Variants in RUFY1 observed in about 807,000 individuals in gnomAD.
RUFY1 encodes the protein RUN and FYVE domain-containing protein 1.
A neutral mutation model predicts 94.6 loss-of-function variants in RUFY1; 54 were observed. The ratio of observed to expected loss-of-function variants is 0.57; its 90% CI spans 0.46 to 0.72. RUFY1 has a LOEUF of 0.72. Among genes scored for constraint, RUFY1 ranks in the 30% least tolerant of loss-of-function variants. The pLI, the probability that RUFY1 is intolerant of heterozygous loss-of-function variation, is 0.00. For synonymous variants in RUFY1, 396 were observed against 347.3 expected (o/e 1.14, Z -1.56); for missense variants, 883 against 883.9 (o/e 1.00, Z 0.01).
At chr5:179,576,760 TATTA>T (rs1356186275) in intron 5 of RUFY1, among the ~76,000 whole-genome samples, 1 of 152,324 alleles carries the variant, frequency 6.6e-6, no homozygotes, top group East Asian at 1.9e-4. Flanking sequence ...TTATTATTAT[TATTA>T]ATTACTTTGT....
intron 6 of RUFY1, among the ~76,000 whole-genome samples, chr5:179,578,702 G>A (rs1763854080): frequency 6.6e-6 from 1 of 152,050 alleles, no homozygotes; most frequent in African/African-American, 2.4e-5. Flanking sequence ...AGAGTGCAGT[G>A]GCACGATCTT....
At chr5:179,563,679 CCT>C (rs1053842526) in intron 3 of RUFY1, among the ~76,000 whole-genome samples, 2 of 152,060 alleles carry the variant, frequency 1.3e-5, no homozygotes, top group Non-Finnish European at 2.9e-5. Context: ...TATTTCATGA[CCT>C]TTTTTTTTTT....
chr5:179,555,621 CTTTTTTTTT>C, intron 1 of RUFY1: 116 of 247,396 alleles, frequency 4.7e-4, no homozygotes, highest in Middle Eastern at 2.9e-3. Context: ...AAACTCCCAA[CTTTTTTTTT>C]TTTTTTTTTT....
chr5:179,598,419 G>T, intron 13 of RUFY1: 1 of 409,978 alleles, frequency 2.4e-6, no homozygotes, highest in Non-Finnish European at 4.4e-6. Context: ...ATGTCGGGAG[G>T]GTTCTGCTTA....
Position 179,550,825 on chromosome 5 carries a change from C to G in RUFY1, c.256C>G (p.Arg86Gly), listed in dbSNP as rs1052589447. The G allele has an allele frequency of 1.6e-6, 2 of 1,252,744 alleles. No homozygotes were observed. The highest frequency in any genetic ancestry group is 8.7e-5 in the Admixed American group (2 of 23,096). 77.6% of individuals were successfully genotyped at this position (1,252,744 alleles called of 1,614,324 possible). A position where few individuals can be genotyped will look rare whatever the true frequency, so the allele number is the denominator to read the frequency against. Residue 86 changes from arginine (R) to glycine (G), a missense_variant, in exon 1 of 18, where the codon CGC (arginine) becomes GGC (glycine). Physicochemically the swap from Arg to Gly is moderately radical, Grantham distance 125. Transcript: ENST00000319449. ...GTCGGCGAGCTGCGGGAGCGCGCTG[C>G]GCGCGGCCGCGGGGCTGGGCGGCGG... The part of the protein sequence containing the change: ...NLSASCGSAL[R>G]AAAGLGGGDS...
intron 7 of RUFY1, among the ~76,000 whole-genome samples, chr5:179,582,142 T>G (rs1160737681): frequency 1.3e-5 from 2 of 151,538 alleles, no homozygotes; most frequent in East Asian, 3.9e-4. Context: ...CATAATCTAC[T>G]GATGTGGTGT....
chr5:179,567,657 G>A, intron 4 of RUFY1, 95 bp downstream of exon 4: 3 of 804,436 alleles, frequency 3.7e-6, no homozygotes, highest in Non-Finnish European at 6.1e-6. Flanking sequence ...CCAGCACTTT[G>A]GGAGGCCAAG....
chr5:179,550,856 G>A lies in RUFY1; in HGVS notation c.287G>A (p.Ser96Asn), dbSNP rs550949263. Residue 96 changes from serine to asparagine, a missense_variant, in exon 1 of 18, where the codon AGC becomes AAC. Ser to Asn is a conservative substitution (Grantham distance 46). Transcript: ENST00000319449. The part of the protein sequence containing the change: ...RAAAGLGGGD[S>N]GDGTARAASK... ...GCCGCGGGGCTGGGCGGCGGGGACAGCGGGGACGGCACGGCGCGCGCAGGT... is the reference window on the plus strand; with the variant it reads ...GCCGCGGGGCTGGGCGGCGGGGACAACGGGGACGGCACGGCGCGCGCAGGT... The A allele has an allele frequency of 1.6e-5, 19 of 1,195,106 alleles. No homozygotes were observed. In the East Asian group the frequency reaches 2.2e-4, roughly 14 times the overall value. 74.0% of individuals were successfully genotyped at this position (1,195,106 alleles called of 1,614,324 possible).
At chr5:179,562,497 G>A (rs769896772) in intron 2 of RUFY1, 50 bp from the exon 3 acceptor site, 1 of 1,149,822 alleles carries the variant, frequency 8.7e-7, no homozygotes, top group Non-Finnish European at 1.3e-6. Flanking sequence ...GGTCCCTGAA[G>A]AAATTTTGCA....
At chr5:179,579,306 C>A (rs1185396724) in intron 6 of RUFY1, among the ~76,000 whole-genome samples, 4 of 152,164 alleles carry the variant, frequency 2.6e-5, no homozygotes, top group Non-Finnish European at 5.9e-5. Context: ...CCAAATACGT[C>A]AGAGGAACAA....
chr5:179,601,839 AAAAAG>A (rs1178622102), intron 14 of RUFY1, 48 bp from the exon 15 acceptor site: 3 of 1,162,658 alleles, frequency 2.6e-6, no homozygotes, highest in South Asian at 2.8e-5. Context: ...AAAAAAAAAA[AAAAAG>A]GACCGTGTAA....
At chr5:179,578,773 T>TCACAA (rs1763859748) in intron 6 of RUFY1, among the ~76,000 whole-genome samples, 1 of 151,848 alleles carries the variant, frequency 6.6e-6, no homozygotes, top group Non-Finnish European at 1.5e-5. Context: ...CCTTCCTGAG[T>TCACAA]AGCTGGGATC....
At chr5:179,589,717 A>G in intron 9 of RUFY1, 70 bp downstream of exon 9, 1 of 1,173,622 alleles carries the variant, frequency 8.5e-7, no homozygotes. Flanking sequence ...TCTCAAGCTC[A>G]TGGCTTAACA....
At chr5:179,565,000 AAG>A (rs10550141) in intron 3 of RUFY1, among the ~76,000 whole-genome samples, 13,578 of 151,788 alleles carry the variant, frequency 0.089, 690 homozygotes, top group Middle Eastern at 0.14. Flanking sequence ...TTTTTGTAAA[AAG>A]AGAGAGAAAA....
At chr5:179,583,436 A>C (rs1461852831) in intron 7 of RUFY1, among the ~76,000 whole-genome samples, 1 of 139,238 alleles carries the variant, frequency 7.2e-6, no homozygotes, top group Non-Finnish European at 1.6e-5. Context: ...ATATATTTTA[A>C]GACGGAGTTT....
chr5:179,585,374 C>T (rs550714083), intron 7 of RUFY1, among the ~76,000 whole-genome samples: 2 of 152,186 alleles, frequency 1.3e-5, no homozygotes, highest in African/African-American at 2.4e-5. Flanking sequence ...GTCAGGAGTT[C>T]GAGACCAGCC....
At chr5:179,559,559 G>A (rs554620340) in intron 1 of RUFY1, 4 of 617,434 alleles carry the variant, frequency 6.5e-6, no homozygotes, top group African/African-American at 4.0e-5. Flanking sequence ...GCAAAATGGC[G>A]CCCACCAGCT....
At chr5:179,570,445 T>C (rs1436120014) in intron 5 of RUFY1, among the ~76,000 whole-genome samples, 2 of 151,798 alleles carry the variant, frequency 1.3e-5, no homozygotes, top group African/African-American at 4.8e-5. Flanking sequence ...CAAAGGAGAG[T>C]AACCAGTAAG....
chr5:179,554,001 C>T (rs1358952057), intron 1 of RUFY1, among the ~76,000 whole-genome samples: 1 of 152,034 alleles, frequency 6.6e-6, no homozygotes, highest in Admixed American at 6.6e-5. Flanking sequence ...CGCTCTGCAG[C>T]GACACAAGAA....
Sources: gnomAD v4.1 joint callset for allele counts (sites outside exome capture counted in the v4.1 genomes callset) on GRCh38, gnomAD v4.1.1 for gene constraint, MANE v1.5 for transcripts, NCBI Gene and HGNC (gene_info 2026-07-23, HGNC 2026-07-21) for gene names.